Variants in PARD6G observed in about 807,000 individuals in gnomAD.
PARD6G encodes par-6 family cell polarity regulator gamma.
Under a neutral mutation model 10.7 loss-of-function variants are expected in PARD6G, and 7 were observed. The observed-to-expected ratio is 0.66, with a 90% CI of 0.37 to 1.23. The LOEUF is 1.23. Ranked by LOEUF, PARD6G falls within the 50% of genes most tolerant of loss-of-function variation. The pLI is 0.02. For missense variants in PARD6G, 548 were observed against 571.8 expected, an observed-to-expected ratio of 0.96 and a Z score of 0.42; for synonymous variants, 287 against 269.4, an observed-to-expected ratio of 1.07 and a Z score of -0.64.
At chr18:80,218,725 CT>C (rs1967197326) in intron 1 of PARD6G, among the ~76,000 whole-genome samples, 1 of 152,242 alleles carries the variant, frequency 6.6e-6, no homozygotes, top group Non-Finnish European at 1.5e-5. Context: ...TCACATTTCC[CT>C]TCCGCACTGC....
At position 80,226,012 on chromosome 18, in the gene PARD6G, A is replaced by C. The variant is rs202196744; in HGVS notation, c.72+21265T>G. Among the ~76,000 whole-genome samples the C allele has an allele frequency of 2.0e-5, 3 of 152,286 alleles. No individual in the cohort carries two copies. The East Asian group carries it at 5.8e-4, about 29-fold the overall frequency. Reference sequence around the variant, plus strand: ...GGCTTCTTTAACATGTATGGTTTTTAAAAATTAGGATCATACACTGTTATA... The same window carrying C: ...GGCTTCTTTAACATGTATGGTTTTTCAAAATTAGGATCATACACTGTTATA... On this transcript the variant is annotated intron_variant, in intron 1 of 2. Transcript: ENST00000353265.
intron 1 of PARD6G, among the ~76,000 whole-genome samples, chr18:80,234,834 A>C (rs1967400944): frequency 6.6e-6 from 1 of 152,162 alleles, no homozygotes; most frequent in African/African-American, 2.4e-5. Flanking sequence ...TGCACCCAAT[A>C]CAGGAGCACC....
rs1308069930 is a variant in PARD6G, at chr18:80,183,391, T to C, written c.295+19319A>G. ...GCCAGACAACTCTCCCTGGCCCTAA[T>C]GGGTTTCAGGCAGAGATGGTTTCCT... On this transcript the variant is annotated intron_variant, in intron 2 of 2. Transcript: ENST00000353265. This position sits in a 1 kb window ranked among gnomAD's most constrained non-coding sequence, Gnocchi z 4.5. Among the ~76,000 whole-genome samples the C allele has an allele frequency of 6.6e-6, 1 of 152,082 alleles. No individual in the cohort carries two copies. The highest frequency in any genetic ancestry group is 1.5e-5 in the Non-Finnish European group (1 of 67,992).
chr18:80,222,706 C>T (rs1967245890), intron 1 of PARD6G, among the ~76,000 whole-genome samples: 1 of 152,186 alleles, frequency 6.6e-6, no homozygotes, highest in Non-Finnish European at 1.5e-5. Flanking sequence ...CAGGGTCTTG[C>T]TCTGTCACCT....
Position 80,183,296 on chromosome 18 carries a change from A to ACCTTC in PARD6G, c.295+19409_295+19413dup. The stretch of plus-strand genomic sequence containing the variant: ...ACAGGCATAGTGGAAAAGTACGCTG[A>ACCTTC]CCTTCTCAGTGGCTCTAAAACAACA... On this transcript the variant is annotated intron_variant, in intron 2 of 2. Coordinates refer to ENST00000353265, the MANE Select transcript of PARD6G (RefSeq NM_032510.4). The surrounding 1 kb of genome is among the most constrained non-coding windows in gnomAD (Gnocchi z 4.5). 1 of 643,424 alleles carries ACCTTC rather than the reference A, an allele frequency of 1.6e-6. No homozygotes were observed. Among genetic ancestry groups the ACCTTC allele is most frequent in the Non-Finnish European group, 2.8e-6 (1 of 355,996 alleles). 39.9% of individuals were successfully genotyped at this position (643,424 alleles called of 1,614,324 possible).
intron 2 of PARD6G, among the ~76,000 whole-genome samples, chr18:80,186,167 C>T (rs2052875624): frequency 6.9e-6 from 1 of 144,778 alleles, no homozygotes. Context: ...CACCCTCACG[C>T]ACGCATGCAC....
chr18:80,173,539 C>T (rs536525267), intron 2 of PARD6G, among the ~76,000 whole-genome samples: 1 of 152,020 alleles, frequency 6.6e-6, no homozygotes, highest in South Asian at 2.1e-4. Context: ...GGAGGAAAAT[C>T]GCTTGAACCC....
At chr18:80,236,985 A>C (rs1282982311) in intron 1 of PARD6G, among the ~76,000 whole-genome samples, 1 of 152,228 alleles carries the variant, frequency 6.6e-6, no homozygotes, top group Non-Finnish European at 1.5e-5. Context: ...TCTGCACAGA[A>C]TTGGAAAAAA....
In PARD6G at chr18:80,181,789, C is replaced by A. The variant is rs572678759; in HGVS notation, c.295+20921G>T. On this transcript the variant is annotated intron_variant, in intron 2 of 2. Coordinates refer to ENST00000353265, the MANE Select transcript of PARD6G (RefSeq NM_032510.4). The surrounding 1 kb of genome is among the most constrained non-coding windows in gnomAD (Gnocchi z 7.9). Reference sequence around the variant, plus strand: ...CTCCCCATTCCTCGCGTCCTCTCCCCCTGTGCAGAGCATGTGTGGGGACAG... The same window carrying A: ...CTCCCCATTCCTCGCGTCCTCTCCCACTGTGCAGAGCATGTGTGGGGACAG... 7.9e-5 allele frequency among the ~76,000 whole-genome samples: 12 copies of A among 152,258 alleles called. No individual in the cohort carries two copies. The highest frequency in any genetic ancestry group is 1.4e-4 in the African/African-American group (6 of 41,546).
At chr18:80,167,390 C>T (rs865953237) in intron 2 of PARD6G, among the ~76,000 whole-genome samples, 7 of 152,092 alleles carry the variant, frequency 4.6e-5, no homozygotes, top group African/African-American at 9.7e-5. Context: ...GGACAGGGCA[C>T]GGCTCTTCAT....
intron 2 of PARD6G, among the ~76,000 whole-genome samples, chr18:80,173,604 G>A (rs1425162269): frequency 6.6e-6 from 1 of 151,030 alleles, no homozygotes; most frequent in Non-Finnish European, 1.5e-5. Context: ...CAATCTAGGT[G>A]TCAGAGCAAG....
intron 2 of PARD6G, among the ~76,000 whole-genome samples, chr18:80,173,615 A>T (rs2052791070): frequency 6.9e-6 from 1 of 145,572 alleles, no homozygotes; most frequent in South Asian, 2.1e-4. Context: ...TCAGAGCAAG[A>T]CTTCATCTAA....
intron 1 of PARD6G, among the ~76,000 whole-genome samples, chr18:80,211,105 T>C (rs1198760272): frequency 6.6e-6 from 1 of 152,244 alleles, no homozygotes; most frequent in Non-Finnish European, 1.5e-5. Context: ...TCTGTATTTT[T>C]AGGTTTGCTT....
intron 1 of PARD6G, among the ~76,000 whole-genome samples, chr18:80,210,703 G>A (rs1309935765): frequency 1.3e-5 from 2 of 152,188 alleles, no homozygotes; most frequent in African/African-American, 4.8e-5. Context: ...ACCAAAATAG[G>A]TTATCTACAA....
intron 2 of PARD6G, among the ~76,000 whole-genome samples, chr18:80,167,348 G>A (rs550666118): frequency 1.4e-5 from 2 of 147,578 alleles, no homozygotes; most frequent in Non-Finnish European, 3.1e-5. Context: ...GCGTGTGGAT[G>A]TGTGTGCAGG....
chr18:80,215,425 A>C (rs944325222), intron 1 of PARD6G, among the ~76,000 whole-genome samples: 2 of 152,196 alleles, frequency 1.3e-5, no homozygotes, highest in Non-Finnish European at 2.9e-5. Context: ...TGCAGAAAAC[A>C]ATAATTATAA....
chr18:80,224,832 G>C (rs1008714444), intron 1 of PARD6G, among the ~76,000 whole-genome samples: 1 of 149,432 alleles, frequency 6.7e-6, no homozygotes, highest in East Asian at 2.1e-4. Context: ...GGTCGACAGA[G>C]TGAGACTCCG....
chr18:80,178,967 C>T (rs760996133), intron 2 of PARD6G, among the ~76,000 whole-genome samples: 3 of 152,182 alleles, frequency 2.0e-5, no homozygotes, highest in Non-Finnish European at 4.4e-5. Context: ...TGGCGACCTG[C>T]AGGGAGACAG....
In PARD6G at chr18:80,181,607, C is replaced by A. The variant is rs1039103443; in HGVS notation, c.296-21001G>T. Among the ~76,000 whole-genome samples, 8 of 152,084 alleles carry A rather than the reference C, an allele frequency of 5.3e-5. No individual in the cohort carries two copies. The highest frequency in any genetic ancestry group is 1.2e-4 in the Non-Finnish European group (8 of 67,994). On this transcript the variant is annotated intron_variant, in intron 2 of 2. Coordinates refer to ENST00000353265, the MANE Select transcript of PARD6G (RefSeq NM_032510.4). This position sits in a 1 kb window ranked among gnomAD's most constrained non-coding sequence, Gnocchi z 7.9. ...ATCGGATCTACCTCCCCTCTCCCAACAAGGAGGGTCTCCTCCCCATCCTCC... is the reference window on the plus strand; with the variant it reads ...ATCGGATCTACCTCCCCTCTCCCAAAAAGGAGGGTCTCCTCCCCATCCTCC...
Sources: allele counts gnomAD v4.1 joint callset (sites outside exome capture counted in the v4.1 genomes callset), GRCh38; gene constraint gnomAD v4.1.1; non-coding constraint Gnocchi (gnomAD v3.1); transcripts MANE v1.5; gene names NCBI Gene and HGNC (gene_info 2026-07-23, HGNC 2026-07-21).